The following GGA2 variants were observed in gnomAD, a reference collection of about 807,000 sequenced individuals.
GGA2 encodes ADP-ribosylation factor-binding protein GGA2.
In GGA2, 48 loss-of-function variants were observed where a neutral mutation model predicts 79.5. The observed-to-expected ratio is 0.60, with a 90% CI of 0.48 to 0.77. The LOEUF is 0.77. GGA2 is among the 30% of genes least tolerant of loss of function. GGA2 has a pLI of 0.00. For synonymous variants in GGA2, 317 were observed against 302.0 expected, an observed-to-expected ratio of 1.05 and a Z score of -0.51; for missense variants, 770 against 774.0, an observed-to-expected ratio of 0.99 and a Z score of 0.06.
At chr16:23,506,186 C>T (rs1045708983) in intron 1 of GGA2, among the ~76,000 whole-genome samples, 34 of 152,244 alleles carry the variant, frequency 2.2e-4, no homozygotes, top group Admixed American at 2.0e-3. Flanking sequence ...CAGACACCAC[C>T]CCCTGGTGAC....
intron 6 of GGA2, 95 bp downstream of exon 6, chr16:23,488,511 T>C (rs373438484): frequency 8.8e-6 from 7 of 794,954 alleles, no homozygotes; most frequent in South Asian, 2.9e-5. Flanking sequence ...CCATGTAACC[T>C]GCCCCCCTCC....
chr16:23,467,867 C>T (rs768575514), intron 16 of GGA2, among the ~76,000 whole-genome samples, 167 bp from the exon 17 acceptor site: 3 of 152,168 alleles, frequency 2.0e-5, no homozygotes, highest in Non-Finnish European at 2.9e-5. Flanking sequence ...GGGAACCCTT[C>T]GATAATTCTG....
intron 1 of GGA2, among the ~76,000 whole-genome samples, chr16:23,505,283 G>A (rs1232877435): frequency 6.6e-6 from 1 of 152,220 alleles, no homozygotes; most frequent in Non-Finnish European, 1.5e-5. Context: ...CTAAGCCATG[G>A]CCTCCCTGGT....
Position 23,486,237 on chromosome 16 carries a change from G to T in GGA2, c.661-85C>A, listed in dbSNP as rs1003684635. ...CAAGGGATGGGAAAGAGTCACTATTGAGAGAGCTCGCTCAGGGGCATCACC... is the reference window on the plus strand; with the variant it reads ...CAAGGGATGGGAAAGAGTCACTATTTAGAGAGCTCGCTCAGGGGCATCACC... On this transcript the variant is annotated intron_variant, in intron 7 of 16. Coordinates refer to ENST00000309859, the MANE Select transcript of GGA2 (RefSeq NM_015044.4). 9 of 1,245,176 alleles carry T rather than the reference G, an allele frequency of 7.2e-6. No individual in the cohort carries two copies. The African/African-American group carries it at 1.2e-4, about 16-fold the overall frequency. 77.1% of individuals were successfully genotyped at this position (1,245,176 alleles called of 1,614,324 possible).
intron 1 of GGA2, among the ~76,000 whole-genome samples, chr16:23,504,062 T>TA (rs974512794): frequency 7.0e-6 from 1 of 143,264 alleles, no homozygotes; most frequent in African/African-American, 2.6e-5. Flanking sequence ...GCCTGGGTAA[T>TA]AAGAGTGAAA....
upstream of GGA2, among the ~76,000 whole-genome samples, chr16:23,510,906 CGTGTGTGTGTGT>C (rs150030103): frequency 1.5e-3 from 73 of 49,078 alleles, no homozygotes; most frequent in African/African-American, 3.9e-3. Flanking sequence ...TGGGTTTCAC[CGTGTGTGTGTGT>C]GTGTGTGTGT....
At chr16:23,484,379 T>C (rs77595603) in intron 8 of GGA2, among the ~76,000 whole-genome samples, 2,497 of 152,068 alleles carry the variant, frequency 0.016, 70 homozygotes, top group African/African-American at 0.058. Flanking sequence ...GATCACGCAA[T>C]TGCACTCCAG....
At chr16:23,478,225 C>CA (rs111229895) in intron 13 of GGA2, 143 bp downstream of exon 13, 70,094 of 461,510 alleles carry the variant, frequency 0.15, 2,158 homozygotes, top group African/African-American at 0.28. Context: ...GAAAAAAAGA[C>CA]AAAAAAAAAA....
At chr16:23,511,708 A>G (rs1377538396), upstream of GGA2, among the ~76,000 whole-genome samples, 1 of 152,164 alleles carries the variant, frequency 6.6e-6, no homozygotes, top group African/African-American at 2.4e-5. Flanking sequence ...CTGTTAAAAG[A>G]TAATTTTCCC....
intron 2 of GGA2, 58 bp downstream of exon 2, chr16:23,495,636 C>CCTA (rs1295621805): frequency 2.1e-6 from 2 of 959,818 alleles, no homozygotes; most frequent in Non-Finnish European, 3.3e-6. Context: ...GAGACAAAGG[C>CCTA]CTACACTCAG....
rs753679982 is a variant in GGA2, at chr16:23,465,383, C to T, written c.*2207G>A. The T allele has an allele frequency of 1.4e-6, 1 of 703,012 alleles. No homozygotes were observed. The highest frequency in any genetic ancestry group is 1.5e-5 in the South Asian group (1 of 67,598). 43.5% of individuals were successfully genotyped at this position (703,012 alleles called of 1,614,324 possible). On this transcript the variant is annotated 3_prime_UTR_variant, in exon 17 of 17. Coordinates refer to ENST00000309859, the MANE Select transcript of GGA2 (RefSeq NM_015044.4). ...GGAGTGATGCCATAAACCACAGCCA[C>T]TTTCAGGACAGCAGCCTGCCTCCTC... is the stretch of plus-strand genomic sequence containing the variant.
Position 23,478,890 on chromosome 16 carries a change from G to A in GGA2, c.1151C>T (p.Thr384Ile), listed in dbSNP as rs1384221565. The A allele has an allele frequency of 1.5e-5, 24 of 1,605,206 alleles. No homozygotes were observed. The highest frequency in any genetic ancestry group is 2.2e-5 in the South Asian group (2 of 90,930). Residue 384 changes from threonine to isoleucine, a missense_variant, in exon 12 of 17, where the codon ACA becomes ATA. Thr to Ile is a moderately conservative substitution (Grantham distance 89, BLOSUM62 -1). Transcript: ENST00000309859. ...TGGGAAGGGCATCCTTACCATGCCT[G>A]TAACAGGAGCATCACTGATTCCTGT... is the stretch of plus-strand genomic sequence containing the variant. ...AALGISDAPV[T>I]GMVSGQNCCE...
chr16:23,467,424 A>AC lies in GGA2; in HGVS notation c.*165dup. The AC allele has an allele frequency of 1.6e-6, 1 of 613,674 alleles. No individual in the cohort carries two copies. Among genetic ancestry groups the AC allele is most frequent in the Non-Finnish European group, 3.0e-6 (1 of 338,700 alleles). The allele number at this position is 613,674 out of a possible 1,614,324, so 38.0% of individuals were successfully genotyped here. A position where few individuals can be genotyped will look rare whatever the true frequency, so the allele number is the denominator to read the frequency against. On this transcript the variant is annotated 3_prime_UTR_variant, in exon 17 of 17. Transcript: ENST00000309859. ...CACACACACACACACACACACACAC[A>AC]CACACACACAGAGCATCTGCAGAAT... is the stretch of plus-strand genomic sequence containing the variant.
Position 23,464,689 on chromosome 16 carries a change from A to G in GGA2, c.*2901T>C, listed in dbSNP as rs982949550. 5 of 152,642 alleles carry G rather than the reference A, an allele frequency of 3.3e-5. No individual in the cohort carries two copies. Among genetic ancestry groups the G allele is most frequent in the East Asian group, 1.9e-4 (1 of 5,190 alleles). The allele number at this position is 152,642 out of a possible 1,614,324, so 9.5% of individuals were successfully genotyped here. ...AGACGAAGCAGGAATCAGGGACCCA[A>G]TAAGTCTCAGGTGCTTTCAAGTAAG... On this transcript the variant is annotated 3_prime_UTR_variant, in exon 17 of 17. Coordinates refer to ENST00000309859, the MANE Select transcript of GGA2 (RefSeq NM_015044.4).
At chr16:23,482,378 T>C (rs780259729) in intron 9 of GGA2, among the ~76,000 whole-genome samples, 1 of 152,220 alleles carries the variant, frequency 6.6e-6, no homozygotes, top group Non-Finnish European at 1.5e-5. Context: ...AGCTATGAGC[T>C]GGTAATTATT....
intron 3 of GGA2, 140 bp downstream of exon 3, chr16:23,494,163 C>A: frequency 1.5e-6 from 1 of 665,494 alleles, no homozygotes; most frequent in Non-Finnish European, 2.7e-6. Flanking sequence ...AGATCTCCCT[C>A]CTCCAACCTG....
At chr16:23,504,192 C>G (rs937152078) in intron 1 of GGA2, among the ~76,000 whole-genome samples, 1 of 152,126 alleles carries the variant, frequency 6.6e-6, no homozygotes, top group African/African-American at 2.4e-5. Flanking sequence ...AGAAACCTAC[C>G]CAACCACAAA....
At chr16:23,475,834 G>A (rs1964570475) in intron 13 of GGA2, among the ~76,000 whole-genome samples, 1 of 152,070 alleles carries the variant, frequency 6.6e-6, no homozygotes, top group African/African-American at 2.4e-5. Context: ...GGAGGCTGAG[G>A]CAGGAGAATG....
intron 4 of GGA2, among the ~76,000 whole-genome samples, chr16:23,492,303 C>T (rs1964798416): frequency 6.6e-6 from 1 of 152,276 alleles, no homozygotes; most frequent in African/African-American, 2.4e-5. Context: ...AAACTTTCAG[C>T]CCCATCCCCT....
Sources: gnomAD v4.1 joint callset for allele counts (sites outside exome capture counted in the v4.1 genomes callset) on GRCh38, gnomAD v4.1.1 for gene constraint, MANE v1.5 for transcripts, NCBI Gene and HGNC (gene_info 2026-07-23, HGNC 2026-07-21) for gene names.